Variants in RNF130 observed in about 807,000 individuals in gnomAD.
RNF130 encodes ring finger protein 130.
In RNF130, 21 loss-of-function variants were observed where a neutral mutation model predicts 44.6. That is an observed-to-expected ratio of 0.47 (90% CI 0.33 to 0.68). RNF130 has a LOEUF of 0.68. RNF130 is among the 30% of genes least tolerant of loss of function. RNF130 has a pLI of 0.02. For missense variants in RNF130, 479 were observed against 560.6 expected (o/e 0.85, Z 1.47); for synonymous variants, 214 against 210.4 (o/e 1.02, Z -0.15).
chr5:179,922,639 G>T (rs985010234), intron 7 of RNF130, among the ~76,000 whole-genome samples: 11 of 151,240 alleles, frequency 7.3e-5, no homozygotes, highest in Non-Finnish European at 1.6e-4. Flanking sequence ...AAGTATGAGG[G>T]TTTAAAAAAA....
intron 7 of RNF130, among the ~76,000 whole-genome samples, chr5:179,924,687 G>C (rs1761681935): frequency 6.6e-6 from 1 of 152,154 alleles, no homozygotes; most frequent in Non-Finnish European, 1.5e-5. Context: ...TACACAGGAG[G>C]CTAAGGCAGG....
chr5:179,955,763 C>G lies in RNF130; in HGVS notation c.1245-94G>C, dbSNP rs976773577. On this transcript the variant is annotated intron_variant, in intron 8 of 8. Coordinates refer to ENST00000521389, the MANE Select transcript of RNF130 (RefSeq NM_018434.6). ...TGACCCTAACTGAAGGGTGGCCTGG[C>G]TGTCCCCAGCTAGTTCCCAACCCCT... The G allele has an allele frequency of 2.5e-5, 25 of 1,001,074 alleles. No homozygotes were observed. The South Asian group carries it at 4.4e-4, about 18-fold the overall frequency. 62.0% of individuals were successfully genotyped at this position (1,001,074 alleles called of 1,614,324 possible).
At chr5:179,988,244 C>T (rs1694742628) in intron 3 of RNF130, among the ~76,000 whole-genome samples, 1 of 152,158 alleles carries the variant, frequency 6.6e-6, no homozygotes, top group Admixed American at 6.5e-5. Flanking sequence ...CTTCACAAAC[C>T]TCTAATGATC....
chr5:180,057,518 A>C (rs114211674), intron 1 of RNF130, among the ~76,000 whole-genome samples: 16,370 of 151,976 alleles, frequency 0.11, 1,012 homozygotes, highest in East Asian at 0.2. Context: ...ACTGCGCTCC[A>C]GCCTGGGTGA....
chr5:180,071,600 A>G lies in RNF130; in HGVS notation c.103T>C (p.Tyr35His), dbSNP rs764083161. 4.0e-6 allele frequency: 6 copies of G among 1,507,826 alleles called. No homozygotes were observed. The East Asian group carries it at 1.1e-4, about 27-fold the overall frequency. 93.4% of individuals were successfully genotyped at this position (1,507,826 alleles called of 1,614,324 possible). The change falls in exon 1 of 9, where the codon TAC (tyrosine) becomes CAC (histidine). Residue 35 changes from tyrosine to histidine, a missense_variant. Physicochemically the swap from Tyr to His is moderately conservative, Grantham distance 83 (BLOSUM62 2). Transcript: ENST00000521389. ...ARADNASQEY[Y>H]TALINVTVQE... is the part of the protein sequence containing the mutation. ...ACCGTCACGTTGATGAGCGCCGTGTAGTACTCCTGGCTCGCGTTGTCTGCC... is the reference window on the plus strand; with the variant it reads ...ACCGTCACGTTGATGAGCGCCGTGTGGTACTCCTGGCTCGCGTTGTCTGCC...
At chr5:180,032,746 G>A (rs1165369747) in intron 2 of RNF130, among the ~76,000 whole-genome samples, 3 of 152,150 alleles carry the variant, frequency 2.0e-5, no homozygotes, top group Non-Finnish European at 4.4e-5. Flanking sequence ...TTGTGAAACG[G>A]AGTGTGTAAG....
intron 8 of RNF130, among the ~76,000 whole-genome samples, chr5:179,959,868 T>A (rs1444550079): frequency 6.6e-6 from 1 of 152,176 alleles, no homozygotes; most frequent in Non-Finnish European, 1.5e-5. Flanking sequence ...CACTTCAGAT[T>A]CATTTCCTCA....
chr5:179,914,381 G>A (rs1184248358), exon 8 of RNF130: 1 of 152,240 alleles, frequency 6.6e-6, no homozygotes, highest in Non-Finnish European at 1.5e-5. Context: ...AGAGCTAGTT[G>A]GACAGCCTTT....
intron 2 of RNF130, among the ~76,000 whole-genome samples, chr5:180,035,126 C>G (rs1249837499): frequency 6.6e-6 from 1 of 151,962 alleles, no homozygotes; most frequent in Non-Finnish European, 1.5e-5. Flanking sequence ...TTATAGTTTC[C>G]AAAGGCAAAA....
At chr5:180,049,672 CA>C (rs1764645080) in intron 1 of RNF130, among the ~76,000 whole-genome samples, 1 of 152,206 alleles carries the variant, frequency 6.6e-6, no homozygotes, top group African/African-American at 2.4e-5. Context: ...TTCTGAGAAG[CA>C]GCCCACAGGT....
At chr5:180,054,677 ATT>A (rs1336062103) in intron 1 of RNF130, among the ~76,000 whole-genome samples, 1 of 152,152 alleles carries the variant, frequency 6.6e-6, no homozygotes, top group Admixed American at 6.5e-5. Flanking sequence ...TAATTTTATT[ATT>A]TGTTTTCAAG....
intron 1 of RNF130, among the ~76,000 whole-genome samples, chr5:180,059,605 T>A (rs1311427973): frequency 1.3e-5 from 2 of 152,152 alleles, no homozygotes; most frequent in African/African-American, 4.8e-5. Context: ...GGTGCATCAC[T>A]GACCTTTAAG....
intron 2 of RNF130, among the ~76,000 whole-genome samples, chr5:180,017,367 G>A (rs1421904169): frequency 6.6e-6 from 1 of 152,108 alleles, no homozygotes; most frequent in East Asian, 1.9e-4. Context: ...TATCTGCCAG[G>A]TTTCCTCACT....
At chr5:180,030,534 G>A (rs1437712526) in intron 2 of RNF130, among the ~76,000 whole-genome samples, 3 of 151,982 alleles carry the variant, frequency 2.0e-5, no homozygotes, top group African/African-American at 7.2e-5. Flanking sequence ...TCCCTTTTTG[G>A]TGTTTTATTT....
intron 3 of RNF130, among the ~76,000 whole-genome samples, chr5:180,012,346 A>C (rs776461492): frequency 1.2e-3 from 189 of 152,272 alleles, no homozygotes; most frequent in Non-Finnish European, 2.4e-3. Flanking sequence ...TTTCTACACA[A>C]AAAGTCTAGG....
chr5:179,939,535 G>T, intron 7 of RNF130: 1 of 257,122 alleles, frequency 3.9e-6, no homozygotes, highest in South Asian at 4.3e-5. Context: ...CCCTTTCTCC[G>T]CCATTCCCAA....
intron 3 of RNF130, among the ~76,000 whole-genome samples, chr5:179,982,927 A>G (rs538034799): frequency 6.6e-6 from 1 of 152,182 alleles, no homozygotes; most frequent in African/African-American, 2.4e-5. Context: ...AATGATGTTG[A>G]CCATCTTTTC....
intron 5 of RNF130, among the ~76,000 whole-genome samples, chr5:179,974,485 T>C (rs1055211284): frequency 1.8e-4 from 28 of 151,914 alleles, no homozygotes; most frequent in Non-Finnish European, 2.9e-4. Flanking sequence ...CCACAGTAAA[T>C]AGTGCGACAG....
chr5:179,924,388 G>A lies in RNF130; in HGVS notation c.1151-3962C>T, dbSNP rs781376566. On this transcript the variant is annotated intron_variant, in intron 7 of 7. Transcript: ENST00000522208. ...CGCATGGCTGTAATCCCAGCTACTCGGGAGGCTGAGGCAGGAAAATCACTT... is the reference window on the plus strand; with the variant it reads ...CGCATGGCTGTAATCCCAGCTACTCAGGAGGCTGAGGCAGGAAAATCACTT... Among the ~76,000 whole-genome samples, 47 of 151,500 alleles carry A rather than the reference G, an allele frequency of 3.1e-4. 1 individual carries two copies. The East Asian group carries it at 7.0e-3, about 23-fold the overall frequency.
Sources: gnomAD v4.1 joint callset for allele counts (sites outside exome capture counted in the v4.1 genomes callset) on GRCh38, gnomAD v4.1.1 for gene constraint, MANE v1.5 for transcripts, NCBI Gene and HGNC (gene_info 2026-07-23, HGNC 2026-07-21) for gene names.